DLG2: variants seen among roughly 807,000 people sequenced by gnomAD.
The protein encoded by DLG2 is discs large MAGUK scaffold protein 2.
In DLG2, 45 loss-of-function variants were observed where a neutral mutation model predicts 132.5. The observed-to-expected ratio is 0.34, with a 90% confidence interval of 0.27 to 0.44. The LOEUF (loss-of-function observed/expected upper bound fraction) is 0.44. Ranked by LOEUF, DLG2 falls within the 20% of genes least tolerant of loss-of-function variation. The probability of loss-of-function intolerance (pLI) is 1.00; values close to 1 mark genes in which losing one functional copy is unlikely to be tolerated. For missense variants in DLG2, 1,045 were observed against 1,196.9 expected, an observed-to-expected ratio of 0.87 and a Z score of 1.87; for synonymous variants, 424 against 419.6, an observed-to-expected ratio of 1.01 and a Z score of -0.13.
chr11:84,307,339 T>C (rs898805379), intron 7 of DLG2, among the ~76,000 whole-genome samples: 1 of 152,098 alleles, frequency 6.6e-6, no homozygotes, highest in African/African-American at 2.4e-5. Flanking sequence ...ACACCAGGAC[T>C]TACTTGAGGG....
chr11:85,408,396 T>TATG (rs1486150995), intron 3 of DLG2, among the ~76,000 whole-genome samples: 4 of 150,792 alleles, frequency 2.7e-5, no homozygotes, highest in African/African-American at 9.7e-5. Flanking sequence ...TTATTTTTAT[T>TATG]ATTATTATTA....
chr11:84,521,844 C>A (rs528095223), intron 7 of DLG2, among the ~76,000 whole-genome samples: 242 of 152,206 alleles, frequency 1.6e-3, no homozygotes, highest in Non-Finnish European at 2.5e-3. Flanking sequence ...AAATAAACTA[C>A]CATCAGAAAC....
intron 6 of DLG2, among the ~76,000 whole-genome samples, chr11:84,861,333 C>T (rs10792786): frequency 0.84 from 126,962 of 151,900 alleles, 53,865 homozygotes; most frequent in Middle Eastern, 0.96. Flanking sequence ...AGTTGCTAGA[C>T]TGGTATGGCT....
Position 85,490,210 on chromosome 11 carries a change from AT to A in DLG2, c.40+108446del, listed in dbSNP as rs1395285451. 6.6e-5 allele frequency among the ~76,000 whole-genome samples: 10 copies of A among 152,274 alleles called. No individual in the cohort carries two copies. In the East Asian group the frequency reaches 1.9e-3, roughly 29 times the overall value. ...CTCTAAAGAAAAACAAAAAATAAATATATTTGAAACAAATGAAAATGAAAAC... is the reference window on the plus strand; with the variant it reads ...CTCTAAAGAAAAACAAAAAATAAATAATTTGAAACAAATGAAAATGAAAAC... On this transcript the variant is annotated intron_variant, in intron 3 of 27. Coordinates refer to ENST00000376104, the MANE Select transcript of DLG2 (RefSeq NM_001142699.3).
At chr11:84,094,804 T>C (rs1351434025) in intron 10 of DLG2, among the ~76,000 whole-genome samples, 1 of 152,318 alleles carries the variant, frequency 6.6e-6, no homozygotes, top group East Asian at 1.9e-4. Context: ...TTTGGGAGGA[T>C]ACAAATATTA....
chr11:84,843,193 A>G (rs2080927778), intron 6 of DLG2, among the ~76,000 whole-genome samples: 1 of 151,812 alleles, frequency 6.6e-6, no homozygotes, highest in Admixed American at 6.6e-5. Flanking sequence ...GATTATGGTG[A>G]TGGTTTCACA....
chr11:85,505,074 T>C (rs1019890925), intron 3 of DLG2, among the ~76,000 whole-genome samples: 20 of 150,182 alleles, frequency 1.3e-4, no homozygotes, highest in Admixed American at 4.0e-4. Context: ...TGATTTTGTA[T>C]CCTGAGACTT....
At chr11:83,894,399 A>C (rs1012767157) in intron 15 of DLG2, among the ~76,000 whole-genome samples, 4 of 152,142 alleles carry the variant, frequency 2.6e-5, no homozygotes, top group Non-Finnish European at 5.9e-5. Context: ...AGGAGATTTC[A>C]CCCTAGCCTA....
intron 6 of DLG2, among the ~76,000 whole-genome samples, chr11:84,790,803 T>C (rs1251374993): frequency 6.6e-6 from 1 of 152,242 alleles, no homozygotes; most frequent in African/African-American, 2.4e-5. Context: ...CTTTTGCATA[T>C]GGATATCCAG....
intron 6 of DLG2, among the ~76,000 whole-genome samples, chr11:84,681,362 C>G (rs576036833): frequency 2.6e-5 from 4 of 152,186 alleles, no homozygotes; most frequent in African/African-American, 9.6e-5. Flanking sequence ...AGATGGACAA[C>G]CTGAAGTTCA....
intron 6 of DLG2, among the ~76,000 whole-genome samples, chr11:84,641,222 ACT>A (rs754600191): frequency 1.3e-5 from 2 of 151,964 alleles, no homozygotes; most frequent in South Asian, 2.1e-4. Flanking sequence ...AATTATTCAA[ACT>A]CTCTCTGTCT....
intron 4 of DLG2, among the ~76,000 whole-genome samples, chr11:85,221,835 C>T (rs1220600531): frequency 2.0e-5 from 3 of 152,174 alleles, no homozygotes; most frequent in Non-Finnish European, 4.4e-5. Flanking sequence ...ACTCTGGACT[C>T]TAGCACCTAT....
chr11:85,313,141 A>C (rs944709307), intron 3 of DLG2, among the ~76,000 whole-genome samples: 1 of 151,900 alleles, frequency 6.6e-6, no homozygotes, highest in African/African-American at 2.4e-5. Context: ...GAAAAAAATA[A>C]ATTTTTAAAA....
At chr11:83,849,493 GAGAC>G (rs2059263848) in intron 16 of DLG2, among the ~76,000 whole-genome samples, 1 of 151,684 alleles carries the variant, frequency 6.6e-6, no homozygotes, top group African/African-American at 2.4e-5. Context: ...CATAAATATA[GAGAC>G]ATAGATATTT....
intron 3 of DLG2, among the ~76,000 whole-genome samples, chr11:85,287,373 T>C (rs1415810594): frequency 6.6e-6 from 1 of 152,046 alleles, no homozygotes; most frequent in East Asian, 1.9e-4. Flanking sequence ...TGAGCAGGCA[T>C]TTCACAGTAA....
intron 21 of DLG2, among the ~76,000 whole-genome samples, chr11:83,510,162 A>G (rs1284530396): frequency 6.6e-6 from 1 of 152,072 alleles, no homozygotes; most frequent in African/African-American, 2.4e-5. Context: ...GGTTCTTTAC[A>G]GCATTCAGAC....
chr11:83,659,135 CATT>C (rs2073569650), intron 18 of DLG2, among the ~76,000 whole-genome samples: 1 of 152,210 alleles, frequency 6.6e-6, no homozygotes, highest in African/African-American at 2.4e-5. Context: ...GGATAACAGT[CATT>C]ATAATGGCCA....
At chr11:85,253,571 C>G (rs550963277) in intron 4 of DLG2, among the ~76,000 whole-genome samples, 2 of 152,182 alleles carry the variant, frequency 1.3e-5, no homozygotes, top group African/African-American at 4.8e-5. Flanking sequence ...GGGGAGGGTG[C>G]CTGCGACCCC....
At chr11:84,471,456 C>G (rs2099108119) in intron 7 of DLG2, among the ~76,000 whole-genome samples, 1 of 151,766 alleles carries the variant, frequency 6.6e-6, no homozygotes, top group Non-Finnish European at 1.5e-5. Flanking sequence ...GCCATTGGCT[C>G]CTGGGTTCTT....
Sources: gnomAD v4.1 joint callset for allele counts (sites outside exome capture counted in the v4.1 genomes callset) on GRCh38, gnomAD v4.1.1 for gene constraint, MANE v1.5 for transcripts, NCBI Gene and HGNC (gene_info 2026-07-23, HGNC 2026-07-21) for gene names.